CDC14A: variants seen among roughly 807,000 people sequenced by gnomAD.
CDC14A encodes cell division cycle 14A.
In CDC14A, 53 loss-of-function variants were observed where a neutral mutation model predicts 74.4. The observed-to-expected ratio is 0.71, with a 90% CI of 0.57 to 0.89. The LOEUF (loss-of-function observed/expected upper bound fraction) is 0.89, where lower values mean the gene tolerates loss of function less well. Ranked by LOEUF, CDC14A falls within the 40% of genes least tolerant of loss-of-function variation. CDC14A has a pLI of 0.00. For synonymous variants in CDC14A, 247 were observed against 258.4 expected, an observed-to-expected ratio of 0.96 and a Z score of 0.43; for missense variants, 646 against 713.7, an observed-to-expected ratio of 0.91 and a Z score of 1.08.
At chr1:100,365,559 AG>A (rs1653455984) in intron 2 of CDC14A, among the ~76,000 whole-genome samples, 1 of 152,230 alleles carries the variant, frequency 6.6e-6, no homozygotes, top group Non-Finnish European at 1.5e-5. Flanking sequence ...ACACCAGATT[AG>A]GGACACTGAG....
chr1:100,351,078 C>G (rs1650927970), upstream of CDC14A, among the ~76,000 whole-genome samples: 1 of 152,044 alleles, frequency 6.6e-6, no homozygotes, highest in Non-Finnish European at 1.5e-5. Flanking sequence ...CCTGTAGATC[C>G]AACTATTTGG....
chr1:100,499,971 C>A (rs968204332), intron 15 of CDC14A, among the ~76,000 whole-genome samples: 1 of 152,110 alleles, frequency 6.6e-6, no homozygotes, highest in Non-Finnish European at 1.5e-5. Flanking sequence ...ACACATCTTA[C>A]CAATGAGATC....
chr1:100,490,062 A>G lies in CDC14A; in HGVS notation c.1138-4756A>G, dbSNP rs945449408. Among the ~76,000 whole-genome samples, 8 of 152,330 alleles carry G rather than the reference A, an allele frequency of 5.3e-5. No homozygotes were observed. The South Asian group carries it at 8.3e-4, about 16-fold the overall frequency. ...CAGCACCTGATGAGAAAAGTCTTCA[A>G]ACACTCCCCTGGCTACCAACTCATG... On this transcript the variant is annotated intron_variant, in intron 11 of 15. Coordinates refer to ENST00000336454, the MANE Select transcript of CDC14A (RefSeq NM_003672.4).
intron 10 of CDC14A, among the ~76,000 whole-genome samples, chr1:100,473,970 A>G (rs892521761): frequency 1.8e-4 from 27 of 152,212 alleles, no homozygotes; most frequent in African/African-American, 6.3e-4. Flanking sequence ...TGGATTAAGT[A>G]TGTTAATTGA....
chr1:100,418,811 A>T (rs1389477708), intron 4 of CDC14A, among the ~76,000 whole-genome samples: 2 of 152,136 alleles, frequency 1.3e-5, no homozygotes, highest in Non-Finnish European at 2.9e-5. Flanking sequence ...AAAATATGAA[A>T]AGATGTTTGT....
chr1:100,420,023 T>TACATATATACATATATATAC (rs1662075511), intron 4 of CDC14A, among the ~76,000 whole-genome samples: 1 of 71,090 alleles, frequency 1.4e-5, no homozygotes, highest in Non-Finnish European at 2.8e-5. Flanking sequence ...CATATATATA[T>TACATATATACATATATATAC]ACATATATAC....
intron 11 of CDC14A, among the ~76,000 whole-genome samples, chr1:100,486,928 CAT>C (rs1298495369): frequency 6.6e-6 from 1 of 152,144 alleles, no homozygotes; most frequent in East Asian, 1.9e-4. Flanking sequence ...TGGAATATCA[CAT>C]GAATATGGAA....
chr1:100,490,606 T>C (rs547175431), intron 11 of CDC14A, among the ~76,000 whole-genome samples: 1 of 152,262 alleles, frequency 6.6e-6, no homozygotes, highest in South Asian at 2.1e-4. Context: ...GACCACTGTA[T>C]AGCCGCTTAA....
chr1:100,457,853 A>G (rs1248262439), intron 8 of CDC14A, among the ~76,000 whole-genome samples: 4 of 152,190 alleles, frequency 2.6e-5, no homozygotes, highest in Non-Finnish European at 5.9e-5. Flanking sequence ...ATTTAACCAG[A>G]TGAAGTTTTT....
At chr1:100,388,823 T>A (rs2100981995) in intron 3 of CDC14A, among the ~76,000 whole-genome samples, 1 of 152,294 alleles carries the variant, frequency 6.6e-6, no homozygotes, top group East Asian at 1.9e-4. Flanking sequence ...AGTGTTGGAA[T>A]TACAGGCATG....
intron 11 of CDC14A, among the ~76,000 whole-genome samples, chr1:100,491,504 A>T (rs1334202799): frequency 1.2e-4 from 17 of 141,816 alleles, no homozygotes; most frequent in African/African-American, 3.6e-4. Flanking sequence ...AAAATATATC[A>T]TAAATATATC....
chr1:100,375,333 T>G (rs1655088308), intron 2 of CDC14A, among the ~76,000 whole-genome samples: 2 of 152,220 alleles, frequency 1.3e-5, no homozygotes, highest in Non-Finnish European at 2.9e-5. Flanking sequence ...GAATGTTGTG[T>G]AAGGCTTTGA....
chr1:100,486,725 A>AT (rs1272954306), intron 11 of CDC14A, among the ~76,000 whole-genome samples: 2 of 152,236 alleles, frequency 1.3e-5, no homozygotes, highest in Non-Finnish European at 2.9e-5. Flanking sequence ...AGTTTTAGCC[A>AT]TTGAAATGCT....
At chr1:100,352,459 G>C, upstream of CDC14A, 1 of 1,011,452 alleles carries the variant, frequency 9.9e-7, no homozygotes, top group Non-Finnish European at 1.2e-6. Flanking sequence ...GGGGGAGGAG[G>C]AGGAGGAAGA....
rs1379895739 is a variant in CDC14A, at chr1:100,362,229, C to G, written c.140+8377C>G. Among the ~76,000 whole-genome samples the G allele has an allele frequency of 2.0e-5, 3 of 152,180 alleles. No individual in the cohort carries two copies. In the East Asian group the frequency reaches 5.8e-4, roughly 29 times the overall value. Reference sequence around the variant, plus strand: ...AAATGTGGGGAGGTAAGTGGCACAACTGATCTCAAGTTCCTTTCTGGCTTT... The same window carrying G: ...AAATGTGGGGAGGTAAGTGGCACAAGTGATCTCAAGTTCCTTTCTGGCTTT... On this transcript the variant is annotated intron_variant, in intron 2 of 15. Transcript: ENST00000336454.
intron 4 of CDC14A, among the ~76,000 whole-genome samples, chr1:100,417,757 T>C (rs963973549): frequency 3.9e-5 from 6 of 152,252 alleles, no homozygotes. Context: ...TGTAGTGATA[T>C]AGTCTTTTAA....
chr1:100,458,612 A>G (rs1666964641), intron 8 of CDC14A, among the ~76,000 whole-genome samples: 1 of 152,152 alleles, frequency 6.6e-6, no homozygotes, highest in African/African-American at 2.4e-5. Context: ...TTAACTTTGT[A>G]AATGCTTTTT....
chr1:100,359,786 G>A (rs1652426300), intron 2 of CDC14A, among the ~76,000 whole-genome samples: 1 of 151,400 alleles, frequency 6.6e-6, no homozygotes, highest in Non-Finnish European at 1.5e-5. Flanking sequence ...TGTAACTTAA[G>A]GTGATTTTTT....
At chr1:100,377,465 T>G in intron 2 of CDC14A, 81 bp from the exon 3 acceptor site, 2 of 888,806 alleles carry the variant, frequency 2.3e-6, no homozygotes, top group Non-Finnish European at 3.6e-6. Context: ...GTAAATTTAA[T>G]GAAATTAAAG....
Sources: allele counts gnomAD v4.1 joint callset (sites outside exome capture counted in the v4.1 genomes callset), GRCh38; gene constraint gnomAD v4.1.1; transcripts MANE v1.5; gene names NCBI Gene and HGNC (gene_info 2026-07-23, HGNC 2026-07-21).